CRIM1: variants seen among roughly 807,000 people sequenced by gnomAD.
CRIM1 encodes the protein cysteine-rich motor neuron 1 protein.
Under a neutral mutation model 116.4 loss-of-function variants are expected in CRIM1, and 32 were observed. The ratio of observed to expected loss-of-function variants is 0.27; its 90% CI spans 0.21 to 0.37. The LOEUF (loss-of-function observed/expected upper bound fraction) is 0.37. Among genes scored for constraint, CRIM1 ranks in the 10% least tolerant of loss-of-function variants. The probability of loss-of-function intolerance (pLI) is 1.00; values close to 1 mark genes in which losing one functional copy is unlikely to be tolerated. For missense variants in CRIM1, 1,331 were observed against 1,354.8 expected, an observed-to-expected ratio of 0.98 and a Z score of 0.28; for synonymous variants, 590 against 509.2, an observed-to-expected ratio of 1.16 and a Z score of -2.13.
chr2:36,401,209 G>C (rs1390205254), intron 2 of CRIM1, among the ~76,000 whole-genome samples: 2 of 152,168 alleles, frequency 1.3e-5, no homozygotes, highest in Non-Finnish European at 2.9e-5. Flanking sequence ...TGTTTAAAAG[G>C]AGTTGGTCCT....
chr2:36,377,544 TA>T (rs1441206050), intron 1 of CRIM1, among the ~76,000 whole-genome samples: 1 of 152,224 alleles, frequency 6.6e-6, no homozygotes, highest in African/African-American at 2.4e-5. Context: ...TTTCCCTCTG[TA>T]AAATGGGAAT....
intron 7 of CRIM1, among the ~76,000 whole-genome samples, chr2:36,490,400 G>T (rs1680143114): frequency 6.6e-6 from 1 of 152,136 alleles, no homozygotes; most frequent in African/African-American, 2.4e-5. Flanking sequence ...AGAGAGCAGG[G>T]ACTCAAGCTA....
chr2:36,390,791 A>G (rs1326081748), intron 1 of CRIM1, among the ~76,000 whole-genome samples: 1 of 151,928 alleles, frequency 6.6e-6, no homozygotes, highest in Non-Finnish European at 1.5e-5. Context: ...CTGTGAGAAA[A>G]CTTGCTCCTG....
rs576018047 is a variant in CRIM1 at position 36,439,164 on chromosome 2, A to T, written c.506-2094A>T. 4.3e-4 allele frequency among the ~76,000 whole-genome samples: 65 copies of T among 152,292 alleles called. No homozygotes were observed. The South Asian group carries it at 0.013, about 30-fold the overall frequency. ...TCCAACAGGAAAATTAAGTGTAGTC[A>T]TAAGGTAGGTGGCAGAAGGAAGGCA... On this transcript the variant is annotated intron_variant, in intron 2 of 16. Coordinates refer to ENST00000280527, the MANE Select transcript of CRIM1 (RefSeq NM_016441.3).
intron 15 of CRIM1, among the ~76,000 whole-genome samples, chr2:36,546,726 G>A (rs1300448377): frequency 4.0e-5 from 6 of 148,540 alleles, no homozygotes; most frequent in South Asian, 4.2e-4. Context: ...AGCTAGAGCC[G>A]GCATCATCTT....
intron 15 of CRIM1, among the ~76,000 whole-genome samples, chr2:36,545,799 T>G (rs938042163): frequency 6.6e-6 from 1 of 152,182 alleles, no homozygotes; most frequent in African/African-American, 2.4e-5. Flanking sequence ...TTCCTAAAAC[T>G]GCTTTCTATT....
At position 36,549,626 on chromosome 2, in the gene CRIM1, C is replaced by CT. The variant is rs1667607295; in HGVS notation, c.*932dup. ...GTTGAAGCTCTAGCTTAAGAAGAAA[C>CT]TTTTTTTAAAAAGACTGTTTGGGGA... On this transcript the variant is annotated 3_prime_UTR_variant, in exon 17 of 17. Transcript: ENST00000280527. 1 of 152,310 alleles carries CT rather than the reference C, an allele frequency of 6.6e-6. No individual in the cohort carries two copies. The highest frequency in any genetic ancestry group is 1.5e-5 in the Non-Finnish European group (1 of 67,952). 9.4% of individuals were successfully genotyped at this position (152,310 alleles called of 1,614,324 possible). A position where few individuals can be genotyped will look rare whatever the true frequency, so the allele number is the denominator to read the frequency against.
At chr2:36,362,898 T>C (rs1669322018) in intron 1 of CRIM1, among the ~76,000 whole-genome samples, 1 of 152,082 alleles carries the variant, frequency 6.6e-6, no homozygotes, top group African/African-American at 2.4e-5. Context: ...TGGAAAAGTG[T>C]AATGTTCAAG....
intron 4 of CRIM1, among the ~76,000 whole-genome samples, chr2:36,463,495 T>TC (rs943853437): frequency 1.3e-5 from 2 of 152,088 alleles, no homozygotes; most frequent in African/African-American, 2.4e-5. Flanking sequence ...ATGTCTTCCT[T>TC]TTACTCCTGT....
chr2:36,397,470 G>A (rs1672109806), intron 2 of CRIM1, among the ~76,000 whole-genome samples: 1 of 152,126 alleles, frequency 6.6e-6, no homozygotes. Context: ...ATAGCCAAAA[G>A]GGGTAAAGCC....
At chr2:36,413,011 C>T (rs1326500712) in intron 2 of CRIM1, among the ~76,000 whole-genome samples, 1 of 152,174 alleles carries the variant, frequency 6.6e-6, no homozygotes, top group Non-Finnish European at 1.5e-5. Flanking sequence ...AACACCTAGA[C>T]ACATTGAGGT....
intron 1 of CRIM1, among the ~76,000 whole-genome samples, chr2:36,372,180 G>A (rs1307534237): frequency 6.6e-6 from 1 of 152,156 alleles, no homozygotes; most frequent in African/African-American, 2.4e-5. Flanking sequence ...GGGTGGAAGT[G>A]TGTGACTGGG....
chr2:36,369,530 G>C (rs530202634), intron 1 of CRIM1, among the ~76,000 whole-genome samples: 3 of 152,082 alleles, frequency 2.0e-5, no homozygotes, highest in Non-Finnish European at 4.4e-5. Flanking sequence ...CTGCATTAAC[G>C]ACAAAAAGTT....
intron 4 of CRIM1, among the ~76,000 whole-genome samples, chr2:36,457,205 A>G (rs2124986690): frequency 6.6e-6 from 1 of 152,308 alleles, no homozygotes; most frequent in South Asian, 2.1e-4. Flanking sequence ...TTGGTTACAT[A>G]AGTTCTTTAG....
intron 2 of CRIM1, among the ~76,000 whole-genome samples, chr2:36,403,233 T>G (rs1672548005): frequency 6.6e-6 from 1 of 152,202 alleles, no homozygotes; most frequent in African/African-American, 2.4e-5. Context: ...ACAGTGAACA[T>G]TTTGCAAAAG....
intron 4 of CRIM1, among the ~76,000 whole-genome samples, chr2:36,450,449 T>G (rs1676622013): frequency 1.3e-5 from 2 of 152,240 alleles, no homozygotes; most frequent in Non-Finnish European, 2.9e-5. Flanking sequence ...CACAGAATAA[T>G]ATTCATGGAC....
At chr2:36,411,167 C>T (rs1339443883) in intron 2 of CRIM1, among the ~76,000 whole-genome samples, 1 of 152,178 alleles carries the variant, frequency 6.6e-6, no homozygotes, top group Non-Finnish European at 1.5e-5. Context: ...ACAATAGGAC[C>T]TTCAGATTGC....
chr2:36,494,267 C>T (rs1419963940), intron 7 of CRIM1, among the ~76,000 whole-genome samples: 3 of 152,044 alleles, frequency 2.0e-5, no homozygotes, highest in Non-Finnish European at 4.4e-5. Context: ...ATGTGAGCAT[C>T]AATATAAAAT....
In CRIM1 at chr2:36,549,342, G is replaced by A. The variant is rs964815292; in HGVS notation, c.*641G>A. 8.5e-5 allele frequency: 13 copies of A among 152,580 alleles called. No individual in the cohort carries two copies. The highest frequency in any genetic ancestry group is 2.6e-4 in the Admixed American group (4 of 15,272). 9.5% of individuals were successfully genotyped at this position (152,580 alleles called of 1,614,324 possible). A position where few individuals can be genotyped will look rare whatever the true frequency, so the allele number is the denominator to read the frequency against. ...TGCGATAGCGGCATTTCTCTAAAGC[G>A]GGTTATTAAGGATATATACAGTTAC... On this transcript the variant is annotated 3_prime_UTR_variant, in exon 17 of 17. Coordinates refer to ENST00000280527, the MANE Select transcript of CRIM1 (RefSeq NM_016441.3).
Sources: allele counts gnomAD v4.1 joint callset (sites outside exome capture counted in the v4.1 genomes callset), GRCh38; gene constraint gnomAD v4.1.1; transcripts MANE v1.5; gene names NCBI Gene and HGNC (gene_info 2026-07-23, HGNC 2026-07-21).